The following CHIC2 variants were observed in gnomAD, a reference collection of about 807,000 sequenced individuals.
CHIC2 encodes cysteine rich hydrophobic domain 2, also known as cysteine-rich hydrophobic domain-containing protein 2.
A neutral mutation model predicts 25.9 loss-of-function variants in CHIC2; 14 were observed. The observed-to-expected ratio is 0.54, with a 90% confidence interval of 0.36 to 0.85. The LOEUF (loss-of-function observed/expected upper bound fraction) is 0.85. CHIC2 is among the 40% of genes least tolerant of loss of function. The pLI, the probability that CHIC2 is intolerant of heterozygous loss-of-function variation, is 0.01. For synonymous variants in CHIC2, 70 were observed against 72.0 expected, an observed-to-expected ratio of 0.97 and a Z score of 0.14; for missense variants, 146 against 202.0, an observed-to-expected ratio of 0.72 and a Z score of 1.68.
chr4:54,090,343 G>T, the CHIC2 span, among the ~76,000 whole-genome samples: 1 of 151,924 alleles, frequency 6.6e-6, no homozygotes, highest in Non-Finnish European at 1.5e-5. Context: ...GTACCACCAC[G>T]CTGGCTAATT....
At chr4:54,036,541 G>C (rs1167200035) in intron 3 of CHIC2, among the ~76,000 whole-genome samples, 1 of 152,110 alleles carries the variant, frequency 6.6e-6, no homozygotes, top group Non-Finnish European at 1.5e-5. Context: ...ACCAACCTGT[G>C]AAGTTATCTG....
upstream of CHIC2, among the ~76,000 whole-genome samples, chr4:54,065,666 G>GA (rs1442768733): frequency 1.3e-5 from 2 of 152,300 alleles, no homozygotes; most frequent in Middle Eastern, 6.8e-3. Context: ...GGGCTTCTGA[G>GA]AAGAGAGTCC....
At position 54,064,114 on chromosome 4, in the gene CHIC2, G is replaced by A. The variant is rs1256574638; in HGVS notation, c.119+68C>T. ...CACCAGACGGACACAGGGGAAACGG[G>A]GCTCCCGTGGAGTAACGGGGCCCAC... On this transcript the variant is annotated intron_variant, in intron 1 of 5. Coordinates refer to ENST00000263921, the MANE Select transcript of CHIC2 (RefSeq NM_012110.4). This position sits in a 1 kb window ranked among gnomAD's most constrained non-coding sequence, Gnocchi z 4.2. The A allele has an allele frequency of 2.9e-6, 4 of 1,376,912 alleles. No homozygotes were observed. The highest frequency in any genetic ancestry group is 3.0e-6 in the Non-Finnish European group (3 of 991,428). 85.3% of individuals were successfully genotyped at this position (1,376,912 alleles called of 1,614,324 possible). A position where few individuals can be genotyped will look rare whatever the true frequency, so the allele number is the denominator to read the frequency against.
chr4:54,022,301 A>G (rs567068742), intron 3 of CHIC2, among the ~76,000 whole-genome samples: 1 of 152,230 alleles, frequency 6.6e-6, no homozygotes, highest in South Asian at 2.1e-4. Flanking sequence ...CGATCGCCTC[A>G]GAAGCTTCCT....
chr4:54,051,368 T>C (rs1717001983), intron 1 of CHIC2, among the ~76,000 whole-genome samples: 1 of 152,118 alleles, frequency 6.6e-6, no homozygotes, highest in Non-Finnish European at 1.5e-5. Context: ...TATAAATGTA[T>C]CACCAATAAT....
chr4:54,021,122 C>G (rs1715886793), intron 3 of CHIC2, among the ~76,000 whole-genome samples: 1 of 152,174 alleles, frequency 6.6e-6, no homozygotes, highest in Admixed American at 6.5e-5. Context: ...AAAACCCCTT[C>G]AACTCACACC....
chr4:54,071,025 G>A, the CHIC2 span, among the ~76,000 whole-genome samples: 1 of 152,144 alleles, frequency 6.6e-6, no homozygotes, highest in Admixed American at 6.6e-5. Flanking sequence ...TAGGATTGAT[G>A]TATGTGCAAT....
the CHIC2 span, among the ~76,000 whole-genome samples, chr4:54,071,588 T>C: frequency 6.6e-6 from 1 of 152,250 alleles, no homozygotes; most frequent in South Asian, 2.1e-4. Context: ...TATGCTACAC[T>C]GGTCTTAAAC....
Position 54,048,938 on chromosome 4 carries a change from T to C in CHIC2, c.330+17A>G, listed in dbSNP as rs1200389483. 2.7e-5 allele frequency: 41 copies of C among 1,498,424 alleles called. No homozygotes were observed. Among genetic ancestry groups the C allele is most frequent in the Non-Finnish European group, 3.4e-5 (38 of 1,125,336 alleles). 92.8% of individuals were successfully genotyped at this position (1,498,424 alleles called of 1,614,324 possible). A position where few individuals can be genotyped will look rare whatever the true frequency, so the allele number is the denominator to read the frequency against. ...GTCCACTTCTAAATTTAAATTAAAA[T>C]ATATAATTCAACTTACTCTTTTACT... On this transcript the variant is annotated intron_variant, in intron 3 of 5. Coordinates refer to ENST00000263921, the MANE Select transcript of CHIC2 (RefSeq NM_012110.4).
chr4:54,046,589 T>C (rs942758442), intron 3 of CHIC2, among the ~76,000 whole-genome samples: 3 of 152,174 alleles, frequency 2.0e-5, no homozygotes, highest in African/African-American at 7.2e-5. Flanking sequence ...GAAAACTGGC[T>C]AGCCATATGT....
At chr4:54,054,402 T>C (rs1717105656) in intron 1 of CHIC2, among the ~76,000 whole-genome samples, 1 of 152,252 alleles carries the variant, frequency 6.6e-6, no homozygotes, top group African/African-American at 2.4e-5. Context: ...GCTTTTTAAA[T>C]GCAGAAATGC....
At chr4:54,068,377 C>A (rs1355881916), upstream of CHIC2, among the ~76,000 whole-genome samples, 1 of 152,082 alleles carries the variant, frequency 6.6e-6, no homozygotes, top group Non-Finnish European at 1.5e-5. Flanking sequence ...TGGTTTGCCC[C>A]TTCCACTATC....
chr4:54,039,539 G>A (rs1232852809), intron 3 of CHIC2, among the ~76,000 whole-genome samples: 4 of 152,162 alleles, frequency 2.6e-5, no homozygotes. Context: ...CTTTTAGAAT[G>A]ACTATAATTT....
Position 54,014,080 on chromosome 4 carries a change from T to C in CHIC2, c.370A>G (p.Asn124Asp), listed in dbSNP as rs771610412. 1 of 1,613,448 alleles carries C rather than the reference T, an allele frequency of 6.2e-7. No homozygotes were observed. Among genetic ancestry groups the C allele is most frequent in the Non-Finnish European group, 8.5e-7 (1 of 1,179,566 alleles). Residue 124 changes from asparagine to aspartate, a missense_variant, in exon 4 of 6, where the codon AAT becomes GAT. Transcript: ENST00000263921. ...SIEKLLEWEN[N>D]RLYHKLCLHW... ...GTACTCACCTTGTGGTATAACCTATTGTTTTCCCATTCTAATAACTTCTCA... is the reference window on the plus strand; with the variant it reads ...GTACTCACCTTGTGGTATAACCTATCGTTTTCCCATTCTAATAACTTCTCA...
the CHIC2 span, chr4:54,076,749 A>G: frequency 6.6e-6 from 1 of 152,234 alleles, no homozygotes; most frequent in African/African-American, 2.4e-5. Flanking sequence ...ACATTGCTGA[A>G]CCAAGAAAGC....
At chr4:54,091,292 C>G in the CHIC2 span, among the ~76,000 whole-genome samples, 1 of 152,172 alleles carries the variant, frequency 6.6e-6, no homozygotes, top group Non-Finnish European at 1.5e-5. Context: ...CAGAGCGGGT[C>G]TGCGCGGACA....
the CHIC2 span, among the ~76,000 whole-genome samples, chr4:54,079,734 A>G: frequency 6.6e-6 from 1 of 152,184 alleles, no homozygotes; most frequent in South Asian, 2.1e-4. Flanking sequence ...CACACCTGTT[A>G]GAATGGCAAT....
chr4:54,035,938 T>A (rs747954326), intron 3 of CHIC2, among the ~76,000 whole-genome samples: 11 of 152,206 alleles, frequency 7.2e-5, no homozygotes, highest in Non-Finnish European at 1.3e-4. Context: ...AAATTTCCCT[T>A]TTGATTTCTT....
chr4:54,081,254 A>G, the CHIC2 span, among the ~76,000 whole-genome samples: 1 of 151,554 alleles, frequency 6.6e-6, no homozygotes, highest in Admixed American at 6.6e-5. Flanking sequence ...CCTCCCAAGT[A>G]GCTAGGACTA....
Sources: allele counts gnomAD v4.1 joint callset (sites outside exome capture counted in the v4.1 genomes callset), GRCh38; gene constraint gnomAD v4.1.1; non-coding constraint Gnocchi (gnomAD v3.1); transcripts MANE v1.5; gene names NCBI Gene and HGNC (gene_info 2026-07-23, HGNC 2026-07-21).